ETV6: variants seen among roughly 807,000 people sequenced by gnomAD.
ETV6 encodes transcription factor ETV6.
A neutral mutation model predicts 51.1 loss-of-function variants in ETV6; 16 were observed. The ratio of observed to expected loss-of-function variants is 0.31; its 90% confidence interval spans 0.21 to 0.48. The LOEUF (loss-of-function observed/expected upper bound fraction) is 0.48, where lower values mean the gene tolerates loss of function less well. Ranked by LOEUF, ETV6 falls within the 20% of genes least tolerant of loss-of-function variation. ETV6 has a pLI of 0.99. For synonymous variants in ETV6, 240 were observed against 224.1 expected, an observed-to-expected ratio of 1.07 and a Z score of -0.64; for missense variants, 458 against 594.8, an observed-to-expected ratio of 0.77 and a Z score of 2.39.
chr12:11,817,248 TATA>T (rs768824788), intron 2 of ETV6, among the ~76,000 whole-genome samples: 7 of 152,216 alleles, frequency 4.6e-5, no homozygotes, highest in Admixed American at 6.5e-5. Context: ...AGGTATATAG[TATA>T]ATCTCAATTT....
Position 11,832,222 on chromosome 12 carries a change from G to A in ETV6, c.164-6918G>A, listed in dbSNP as rs147921239. Among the ~76,000 whole-genome samples the A allele has an allele frequency of 2.6e-5, 4 of 152,302 alleles. No homozygotes were observed. The East Asian group carries it at 5.8e-4, about 22-fold the overall frequency. The stretch of plus-strand genomic sequence containing the variant: ...TTGGATGGGGTAACATCAGCAAATG[G>A]CAAAGAAACCAAAACTGTTCAACTT... On this transcript the variant is annotated intron_variant, in intron 2 of 7. Coordinates refer to ENST00000396373, the MANE Select transcript of ETV6 (RefSeq NM_001987.5).
In ETV6 at chr12:11,688,687, G is replaced by C. The variant is rs138500692; in HGVS notation, c.33+38527G>C. Among the ~76,000 whole-genome samples the C allele has an allele frequency of 6.2e-4, 95 of 152,296 alleles. 1 individual carries two copies. Among genetic ancestry groups the C allele is most frequent in the African/African-American group, 2.0e-3 (82 of 41,546 alleles). ...GGTGCCAAAGAATCCACAGTTTAGG[G>C]CAACCGTAGAAACCCCAGGAGGAGT... On this transcript the variant is annotated intron_variant, in intron 1 of 7. Coordinates refer to ENST00000396373, the MANE Select transcript of ETV6 (RefSeq NM_001987.5).
chr12:11,694,842 C>G (rs1285687136), intron 1 of ETV6, among the ~76,000 whole-genome samples: 2 of 152,152 alleles, frequency 1.3e-5, no homozygotes, highest in African/African-American at 4.8e-5. Context: ...TATTTTTCCT[C>G]TCTTTAAGGA....
chr12:11,852,271 A>G (rs1946567219), intron 3 of ETV6, among the ~76,000 whole-genome samples: 1 of 152,208 alleles, frequency 6.6e-6, no homozygotes, highest in South Asian at 2.1e-4. Flanking sequence ...CAGAACAGAA[A>G]GGCACCTGCT....
At chr12:11,795,888 T>C (rs1283388632) in intron 2 of ETV6, among the ~76,000 whole-genome samples, 1 of 152,062 alleles carries the variant, frequency 6.6e-6, no homozygotes, top group Non-Finnish European at 1.5e-5. Context: ...TGTAAAACAC[T>C]TAGTACAGTG....
intron 1 of ETV6, chr12:11,750,776 T>C: frequency 2.1e-6 from 1 of 476,324 alleles, no homozygotes. Context: ...GATTTTATGT[T>C]TCCTATATGT....
rs1309492378 is a variant in ETV6 at position 11,894,355 on chromosome 12, C to CTCTA, written c.*3312_*3315dup. On this transcript the variant is annotated 3_prime_UTR_variant, in exon 8 of 8. Coordinates refer to ENST00000396373, the MANE Select transcript of ETV6 (RefSeq NM_001987.5). ...TCTCAAGCTAGCCAGGCAGTCTCCT[C>CTCTA]TCTATCAGAAGAAAGCACTGGTAAT... 8.6e-6 allele frequency: 2 copies of CTCTA among 233,028 alleles called. No homozygotes were observed. Among genetic ancestry groups the CTCTA allele is most frequent in the African/African-American group, 4.4e-5 (2 of 45,336 alleles). The allele number at this position is 233,028 out of a possible 1,614,324, so 14.4% of individuals were successfully genotyped here.
intron 5 of ETV6, among the ~76,000 whole-genome samples, chr12:11,877,586 T>C (rs1947010976): frequency 6.6e-6 from 1 of 152,140 alleles, no homozygotes; most frequent in South Asian, 2.1e-4. Flanking sequence ...AAAGAGCCGC[T>C]TCCTCCCACA....
intron 2 of ETV6, among the ~76,000 whole-genome samples, chr12:11,761,285 G>C (rs1288642730): frequency 6.6e-6 from 1 of 152,054 alleles, no homozygotes; most frequent in Non-Finnish European, 1.5e-5. Flanking sequence ...TAAAATCAGA[G>C]CTATAAACCA....
chr12:11,743,844 G>C (rs1865856766), intron 1 of ETV6, among the ~76,000 whole-genome samples: 1 of 151,810 alleles, frequency 6.6e-6, no homozygotes, highest in South Asian at 2.1e-4. Context: ...CGTTAAAGAA[G>C]GACACAAAAA....
intron 5 of ETV6, among the ~76,000 whole-genome samples, chr12:11,875,268 G>A (rs990157474): frequency 6.6e-6 from 1 of 152,210 alleles, no homozygotes; most frequent in African/African-American, 2.4e-5. Flanking sequence ...GGAATGGCTA[G>A]TGTTTATGGG....
chr12:11,837,655 A>G (rs912740055), intron 2 of ETV6, among the ~76,000 whole-genome samples: 2 of 152,252 alleles, frequency 1.3e-5, no homozygotes, highest in African/African-American at 4.8e-5. Context: ...GGACACTTTT[A>G]TAACACACTT....
At chr12:11,686,189 T>C (rs901369012) in intron 1 of ETV6, among the ~76,000 whole-genome samples, 3 of 152,252 alleles carry the variant, frequency 2.0e-5, no homozygotes, top group Admixed American at 2.0e-4. Flanking sequence ...TAATTACTCT[T>C]CCTCATTTGT....
At chr12:11,882,815 G>A (rs1947120185) in intron 5 of ETV6, among the ~76,000 whole-genome samples, 1 of 152,234 alleles carries the variant, frequency 6.6e-6, no homozygotes, top group African/African-American at 2.4e-5. Context: ...CTGCAATGCG[G>A]ATGTGTTGGC....
intron 1 of ETV6, among the ~76,000 whole-genome samples, chr12:11,726,079 CT>C (rs1865483328): frequency 6.6e-6 from 1 of 152,224 alleles, no homozygotes; most frequent in Admixed American, 6.5e-5. Context: ...CTACATCCAG[CT>C]GTGTATCCAC....
chr12:11,694,922 G>A (rs1306649065), intron 1 of ETV6, among the ~76,000 whole-genome samples: 3 of 152,110 alleles, frequency 2.0e-5, no homozygotes, highest in African/African-American at 7.2e-5. Context: ...CCCTTAGATT[G>A]ACGTGTGATT....
At chr12:11,688,313 C>T (rs1468858302) in intron 1 of ETV6, among the ~76,000 whole-genome samples, 1 of 152,158 alleles carries the variant, frequency 6.6e-6, no homozygotes, top group East Asian at 1.9e-4. Flanking sequence ...TTGACCTGAT[C>T]CAGAAAGTAG....
Position 11,703,380 on chromosome 12 carries a change from G to A in ETV6, c.34-49070G>A, listed in dbSNP as rs138955712. Among the ~76,000 whole-genome samples the A allele has an allele frequency of 4.4e-3, 666 of 151,944 alleles. 7 individuals are homozygous for A. Among genetic ancestry groups the A allele is most frequent in the African/African-American group, 0.015 (615 of 41,420 alleles). ...AAATATAGAAGATGAAGAGAAGTGT[G>A]ATAAAAATAATTTAAGATTTGGAAC... On this transcript the variant is annotated intron_variant, in intron 1 of 7. Coordinates refer to ENST00000396373, the MANE Select transcript of ETV6 (RefSeq NM_001987.5).
At chr12:11,762,875 T>G (rs1945109507) in intron 2 of ETV6, among the ~76,000 whole-genome samples, 1 of 152,220 alleles carries the variant, frequency 6.6e-6, no homozygotes. Context: ...TTTTTCTCCT[T>G]AAGTAGCTCT....
Sources: gnomAD v4.1 joint callset for allele counts (sites outside exome capture counted in the v4.1 genomes callset) on GRCh38, gnomAD v4.1.1 for gene constraint, MANE v1.5 for transcripts, NCBI Gene and HGNC (gene_info 2026-07-23, HGNC 2026-07-21) for gene names.